CIMIP5: variants seen among roughly 807,000 people sequenced by gnomAD.
The protein encoded by CIMIP5 is ciliary microtubule inner protein 5.
the CIMIP5 span, among the ~76,000 whole-genome samples, chr2:11,154,374 G>C: frequency 6.6e-6 from 1 of 152,042 alleles, no homozygotes; most frequent in Non-Finnish European, 1.5e-5. Flanking sequence ...AGGCGGAGGT[G>C]ATGGGCCGGT....
At chr2:11,149,766 A>G in the CIMIP5 span, among the ~76,000 whole-genome samples, 4 of 152,180 alleles carry the variant, frequency 2.6e-5, no homozygotes, top group African/African-American at 9.6e-5. Flanking sequence ...ATGTCATAAA[A>G]GACAAAGAAA....
the CIMIP5 span, among the ~76,000 whole-genome samples, chr2:11,139,110 G>T: frequency 9.9e-5 from 15 of 152,076 alleles, no homozygotes; most frequent in African/African-American, 3.4e-4. Flanking sequence ...TGGAGACAGG[G>T]TTTCACCATG....
the CIMIP5 span, among the ~76,000 whole-genome samples, chr2:11,137,831 AG>A: frequency 5.3e-5 from 8 of 152,088 alleles, no homozygotes; most frequent in South Asian, 1.7e-3. Flanking sequence ...TGTCTAAGAA[AG>A]GTTTTATTTT....
the CIMIP5 span, chr2:11,143,921 G>A: frequency 1.3e-6 from 2 of 1,580,824 alleles, no homozygotes; most frequent in Non-Finnish European, 1.7e-6. Context: ...TCTCCTCAGG[G>A]CAACAAGAAG....
At chr2:11,133,569 G>C in the CIMIP5 span, 56 of 1,602,846 alleles carry the variant, frequency 3.5e-5, 1 homozygote, top group South Asian at 4.2e-4. Flanking sequence ...CCTGGAGGCC[G>C]AGCGGCGGGG....
chr2:11,134,670 A>ATGT, the CIMIP5 span, among the ~76,000 whole-genome samples: 2 of 152,172 alleles, frequency 1.3e-5, no homozygotes, highest in Admixed American at 1.3e-4. Context: ...TTAAGGGTGA[A>ATGT]TGTATATATG....
the CIMIP5 span, among the ~76,000 whole-genome samples, chr2:11,150,004 G>A: frequency 6.6e-6 from 1 of 152,206 alleles, no homozygotes; most frequent in Non-Finnish European, 1.5e-5. Flanking sequence ...GGAGTACAAT[G>A]GCACAATCTT....
At chr2:11,149,254 C>T in the CIMIP5 span, among the ~76,000 whole-genome samples, 2 of 151,614 alleles carry the variant, frequency 1.3e-5, no homozygotes, top group East Asian at 1.9e-4. Flanking sequence ...TGACACCGTG[C>T]TCCCCTGGTG....
chr2:11,133,420 C>T, the CIMIP5 span: 5 of 1,611,262 alleles, frequency 3.1e-6, no homozygotes, highest in Non-Finnish European at 3.4e-6. Flanking sequence ...GCCTCGGTCT[C>T]CCCAGCTGCC....
the CIMIP5 span, among the ~76,000 whole-genome samples, chr2:11,151,447 C>T: frequency 2.6e-5 from 4 of 152,304 alleles, no homozygotes; most frequent in Non-Finnish European, 5.9e-5. Context: ...ATTCCATGTT[C>T]CCACGTGAAG....
At chr2:11,140,624 T>TG in the CIMIP5 span, 1 of 1,209,244 alleles carries the variant, frequency 8.3e-7, no homozygotes, top group Non-Finnish European at 1.2e-6. Context: ...TCAACTAACA[T>TG]TTATTGAAGA....
the CIMIP5 span, among the ~76,000 whole-genome samples, chr2:11,151,540 G>C: frequency 6.6e-6 from 1 of 152,252 alleles, no homozygotes; most frequent in South Asian, 2.1e-4. Context: ...AATTCACACA[G>C]AGCCAGCTGT....
chr2:11,148,547 G>A, the CIMIP5 span, among the ~76,000 whole-genome samples: 1 of 152,050 alleles, frequency 6.6e-6, no homozygotes, highest in Non-Finnish European at 1.5e-5. Context: ...ACAAGGACCA[G>A]CCTAAATTTG....
At chr2:11,144,287 G>A in the CIMIP5 span, 3 of 455,888 alleles carry the variant, frequency 6.6e-6, no homozygotes, top group African/African-American at 2.0e-5. Context: ...CTTTTTACAC[G>A]TAAGATTCAG....
At chr2:11,149,700 C>G in the CIMIP5 span, among the ~76,000 whole-genome samples, 1 of 146,990 alleles carries the variant, frequency 6.8e-6, no homozygotes, top group Non-Finnish European at 1.5e-5. Context: ...GAATGAGACC[C>G]TATCTCAAAA....
At chr2:11,137,321 C>A in the CIMIP5 span, among the ~76,000 whole-genome samples, 1 of 152,156 alleles carries the variant, frequency 6.6e-6, no homozygotes, top group South Asian at 2.1e-4. Context: ...CTGCAATCAG[C>A]CGAGATTGTG....
chr2:11,141,458 G>T, the CIMIP5 span, among the ~76,000 whole-genome samples: 1 of 152,028 alleles, frequency 6.6e-6, no homozygotes, highest in Non-Finnish European at 1.5e-5. Flanking sequence ...ATGCCTTTGG[G>T]CATGCTCGTC....
the CIMIP5 span, among the ~76,000 whole-genome samples, chr2:11,141,562 A>G: frequency 6.6e-6 from 1 of 152,046 alleles, no homozygotes; most frequent in African/African-American, 2.4e-5. Context: ...AGGGAATCTC[A>G]CCTTCCTGGG....
At chr2:11,137,833 G>C in the CIMIP5 span, among the ~76,000 whole-genome samples, 1 of 152,048 alleles carries the variant, frequency 6.6e-6, no homozygotes, top group Non-Finnish European at 1.5e-5. Context: ...TCTAAGAAAG[G>C]TTTTATTTTA....
Sources: gnomAD v4.1 joint callset for allele counts (sites outside exome capture counted in the v4.1 genomes callset) on GRCh38, gnomAD v4.1.1 for gene constraint, MANE v1.5 for transcripts, NCBI Gene and HGNC (gene_info 2026-07-23, HGNC 2026-07-21) for gene names.